Variants in WDR19 observed in about 807,000 individuals in gnomAD.
The protein encoded by WDR19 is WD repeat-containing protein 19.
A neutral mutation model predicts 180.0 loss-of-function variants in WDR19; 121 were observed. The ratio of observed to expected loss-of-function variants is 0.67; its 90% confidence interval spans 0.58 to 0.78. The LOEUF (loss-of-function observed/expected upper bound fraction) is 0.78. Ranked by LOEUF, WDR19 falls within the 30% of genes least tolerant of loss-of-function variation. The pLI, the probability that WDR19 is intolerant of heterozygous loss-of-function variation, is 0.00. For synonymous variants in WDR19, 497 were observed against 540.7 expected (o/e 0.92, Z 1.12); for missense variants, 1,450 against 1,640.7 (o/e 0.88, Z 2.01).
chr4:39,275,339 C>CAAA (rs1225402757), intron 33 of WDR19: 66 of 107,232 alleles, frequency 6.2e-4, no homozygotes, highest in Non-Finnish European at 7.3e-4. Context: ...GACCCCATCT[C>CAAA]AAAAAAAAAA....
chr4:39,250,351 G>C (rs937181477), intron 24 of WDR19, among the ~76,000 whole-genome samples: 1 of 152,114 alleles, frequency 6.6e-6, no homozygotes, highest in Admixed American at 6.6e-5. Context: ...TTGATGAGAC[G>C]TATCTCAAAA....
At chr4:39,276,173 G>T (rs1172923800) in intron 33 of WDR19, among the ~76,000 whole-genome samples, 1 of 152,158 alleles carries the variant, frequency 6.6e-6, no homozygotes, top group Admixed American at 6.5e-5. Context: ...ACAAATGGAA[G>T]CAAATGACAC....
At chr4:39,266,031 A>T in intron 28 of WDR19, 32 bp from the exon 29 acceptor site, 1 of 1,544,334 alleles carries the variant, frequency 6.5e-7, no homozygotes, top group Non-Finnish European at 8.8e-7. Flanking sequence ...TAAGATGCTG[A>T]ATTTGCTGGG....
chr4:39,262,976 A>C (rs1019510199), intron 28 of WDR19, among the ~76,000 whole-genome samples: 2 of 152,218 alleles, frequency 1.3e-5, no homozygotes, highest in South Asian at 4.1e-4. Flanking sequence ...ATTTTCTCAC[A>C]ATCTGTGTGC....
At chr4:39,278,771 G>A (rs1736166994) in intron 36 of WDR19, 108 bp downstream of exon 36, 2 of 544,184 alleles carry the variant, frequency 3.7e-6, no homozygotes, top group South Asian at 8.0e-5. Context: ...CATGGAACTT[G>A]CCAGATTTGA....
chr4:39,193,521 C>T (rs114964155), intron 4 of WDR19, among the ~76,000 whole-genome samples: 1,576 of 152,256 alleles, frequency 0.01, 29 homozygotes, highest in African/African-American at 0.036. Context: ...AATTTTTCCA[C>T]ATACTTTAAA....
chr4:39,185,483 A>T (rs9685537), intron 1 of WDR19, among the ~76,000 whole-genome samples: 7 of 152,210 alleles, frequency 4.6e-5, no homozygotes, highest in South Asian at 4.1e-4. Context: ...GCCAAAAAAA[A>T]TTTAAAATAA....
chr4:39,265,222 AGAT>A (rs1734674221), intron 28 of WDR19, among the ~76,000 whole-genome samples: 1 of 151,532 alleles, frequency 6.6e-6, no homozygotes, highest in Non-Finnish European at 1.5e-5. Flanking sequence ...CCTGGCCTGG[AGAT>A]GACTTTTAAG....
chr4:39,280,351 T>A (rs1451515734), intron 36 of WDR19, among the ~76,000 whole-genome samples: 2 of 152,140 alleles, frequency 1.3e-5, no homozygotes, highest in East Asian at 3.9e-4. Context: ...CTTATGCTTT[T>A]GGTATTGTAT....
intron 10 of WDR19, 33 bp downstream of exon 10, chr4:39,214,704 A>G (rs1728880647): frequency 7.5e-7 from 1 of 1,330,972 alleles, no homozygotes. Flanking sequence ...TTGACATTTT[A>G]TCATTCCAGT....
intron 3 of WDR19, among the ~76,000 whole-genome samples, chr4:39,189,216 G>A (rs558373492): frequency 1.8e-4 from 27 of 152,146 alleles, no homozygotes; most frequent in African/African-American, 5.1e-4. Context: ...AAGCCACTGC[G>A]CCCAGCCACT....
intron 36 of WDR19, among the ~76,000 whole-genome samples, 157 bp from the exon 37 acceptor site, chr4:39,285,330 G>A (rs1737083839): frequency 6.6e-6 from 1 of 152,100 alleles, no homozygotes; most frequent in African/African-American, 2.4e-5. Flanking sequence ...AACTTGATGC[G>A]GATTACAGTC....
At chr4:39,244,001 A>G (rs1430640924) in intron 21 of WDR19, among the ~76,000 whole-genome samples, 2 of 152,206 alleles carry the variant, frequency 1.3e-5, no homozygotes, top group Non-Finnish European at 2.9e-5. Context: ...TATGAGGGAT[A>G]GTAAAAATTT....
chr4:39,223,503 G>A (rs1729915832), intron 14 of WDR19, among the ~76,000 whole-genome samples: 1 of 149,474 alleles, frequency 6.7e-6, no homozygotes, highest in African/African-American at 2.4e-5. Flanking sequence ...GCAAATTTTT[G>A]TATTTTTAGT....
chr4:39,228,438 G>A lies in WDR19; in HGVS notation c.1778-48G>A, dbSNP rs114896532. ...AATTAAAACATTCTTTCTGATGTTT[G>A]TGCTGAGTATTAGCTTTCAGCATTG... On this transcript the variant is annotated intron_variant, in intron 16 of 36. Coordinates refer to ENST00000399820, the MANE Select transcript of WDR19 (RefSeq NM_025132.4). 1.7e-3 allele frequency: 2,695 copies of A among 1,605,260 alleles called. 42 individuals carry two copies. In the African/African-American group the frequency reaches 0.03, roughly 18 times the overall value.
At chr4:39,276,980 A>C in intron 33 of WDR19, 40 bp from the exon 34 acceptor site, 1 of 1,610,382 alleles carries the variant, frequency 6.2e-7, no homozygotes, top group Non-Finnish European at 8.5e-7. Context: ...CGGTACATGA[A>C]TAAAACGGCA....
At chr4:39,209,209 C>T (rs1728250623) in intron 9 of WDR19, among the ~76,000 whole-genome samples, 1 of 152,066 alleles carries the variant, frequency 6.6e-6, no homozygotes, top group Non-Finnish European at 1.5e-5. Context: ...GGAAAACCTG[C>T]AAACACTTGG....
At chr4:39,225,532 G>T (rs1307437137) in intron 15 of WDR19, among the ~76,000 whole-genome samples, 1 of 152,044 alleles carries the variant, frequency 6.6e-6, no homozygotes, top group Non-Finnish European at 1.5e-5. Flanking sequence ...TAACTTTTTT[G>T]AAAATAGATT....
At chr4:39,207,848 A>G (rs1394836613) in intron 9 of WDR19, among the ~76,000 whole-genome samples, 2 of 151,968 alleles carry the variant, frequency 1.3e-5, no homozygotes, top group African/African-American at 4.8e-5. Flanking sequence ...TATAATAGAC[A>G]TTTTTCTTTT....
Sources: gnomAD v4.1 joint callset for allele counts (sites outside exome capture counted in the v4.1 genomes callset) on GRCh38, gnomAD v4.1.1 for gene constraint, MANE v1.5 for transcripts, NCBI Gene and HGNC (gene_info 2026-07-23, HGNC 2026-07-21) for gene names.